FARP2: variants seen among roughly 807,000 people sequenced by gnomAD.
The protein encoded by FARP2 is FERM, ARH/RhoGEF and pleckstrin domain protein 2.
Under a neutral mutation model 130.5 loss-of-function variants are expected in FARP2, and 111 were observed. That is an observed-to-expected ratio of 0.85 (90% CI 0.73 to 1.00). The LOEUF (loss-of-function observed/expected upper bound fraction) is 1.00, where lower values mean the gene tolerates loss of function less well. FARP2 is among the 50% of genes least tolerant of loss of function. The pLI, the probability that FARP2 is intolerant of heterozygous loss-of-function variation, is 0.00. For missense variants in FARP2, 1,385 were observed against 1,346.3 expected (o/e 1.03, Z -0.45); for synonymous variants, 504 against 516.9 (o/e 0.98, Z 0.34).
intron 20 of FARP2, 88 bp from the exon 21 acceptor site, chr2:241,484,154 A>C: frequency 6.3e-7 from 1 of 1,584,894 alleles, no homozygotes; most frequent in South Asian, 1.1e-5. Context: ...TCTGATGTCC[A>C]CATGATGAGC....
intron 2 of FARP2, among the ~76,000 whole-genome samples, chr2:241,400,184 C>T (rs956854198): frequency 1.2e-4 from 19 of 152,244 alleles, no homozygotes; most frequent in African/African-American, 4.6e-4. Context: ...GGACGGGGAA[C>T]CCTGACCTCC....
chr2:241,403,376 G>A (rs1014564546), intron 2 of FARP2, among the ~76,000 whole-genome samples: 20 of 151,956 alleles, frequency 1.3e-4, no homozygotes, highest in African/African-American at 4.4e-4. Flanking sequence ...CGCTGTGCTC[G>A]GCTAATTTTT....
chr2:241,414,699 A>G (rs2062619322), intron 7 of FARP2, among the ~76,000 whole-genome samples: 1 of 152,216 alleles, frequency 6.6e-6, no homozygotes, highest in African/African-American at 2.4e-5. Flanking sequence ...GCCCGACAGC[A>G]TGGCAGTCAT....
At position 241,413,370 on chromosome 2, in the gene FARP2, C is replaced by G. The variant is rs148530431; in HGVS notation, c.572C>G (p.Pro191Arg). The G allele has an allele frequency of 3.7e-5, 59 of 1,612,718 alleles. No homozygotes were observed. In the Admixed American group the frequency reaches 9.7e-4, roughly 26 times the overall value. ...CACCTCAAAGTGAACGAGTATTTGC[C>G]TGGCCAGCAGCACTGCCTTGAGAAG... Reference protein sequence around the residue: ...REHLKVNEYLPGQQHCLEKIL... With the variant: ...REHLKVNEYLRGQQHCLEKIL... The change falls in exon 7 of 27, where the codon CCT becomes CGT. Residue 191 changes from proline (P) to arginine (R), a missense_variant. By Grantham distance (103) the Pro-to-Arg change is moderately radical. Transcript: ENST00000264042.
chr2:241,356,916 T>G (rs1472164116), intron 1 of FARP2, among the ~76,000 whole-genome samples: 1 of 152,240 alleles, frequency 6.6e-6, no homozygotes, highest in Admixed American at 6.5e-5. Context: ...GAATCAAGTG[T>G]TAGGTGTTAA....
chr2:241,382,278 T>G (rs1240977230), intron 2 of FARP2, among the ~76,000 whole-genome samples: 1 of 151,270 alleles, frequency 6.6e-6, no homozygotes, highest in Non-Finnish European at 1.5e-5. Context: ...TTTCAGTTTC[T>G]CTGTACAAAA....
At chr2:241,414,102 G>T (rs1264194349) in intron 7 of FARP2, among the ~76,000 whole-genome samples, 1 of 152,160 alleles carries the variant, frequency 6.6e-6, no homozygotes, top group East Asian at 1.9e-4. Flanking sequence ...TGTGGTAGAG[G>T]AGGAGGGGAC....
intron 2 of FARP2, among the ~76,000 whole-genome samples, chr2:241,396,507 T>G (rs555514657): frequency 1.2e-3 from 182 of 152,012 alleles, no homozygotes; most frequent in Admixed American, 3.5e-3. Context: ...AACAACCCCA[T>G]CAAAAAGTGG....
intron 18 of FARP2, among the ~76,000 whole-genome samples, chr2:241,474,029 G>A (rs571215473): frequency 5.3e-5 from 8 of 152,168 alleles, no homozygotes; most frequent in South Asian, 4.2e-4. Context: ...GCTGCAGGCC[G>A]GGCGCGGTGG....
chr2:241,382,410 A>G (rs140192598), intron 2 of FARP2, among the ~76,000 whole-genome samples: 3,242 of 151,478 alleles, frequency 0.021, 109 homozygotes, highest in African/African-American at 0.068. Context: ...CAGCCTCCCA[A>G]GTAGCTGGGA....
intron 1 of FARP2, among the ~76,000 whole-genome samples, chr2:241,366,471 A>C (rs1177149219): frequency 6.6e-6 from 1 of 152,058 alleles, no homozygotes; most frequent in Non-Finnish European, 1.5e-5. Context: ...AATTAAAAAA[A>C]ATAACCTGGG....
chr2:241,422,817 G>T (rs983968390), intron 8 of FARP2, among the ~76,000 whole-genome samples: 2 of 152,106 alleles, frequency 1.3e-5, no homozygotes, highest in African/African-American at 4.8e-5. Flanking sequence ...ACCTCACATT[G>T]CAATCACAAG....
chr2:241,448,390 G>A (rs3771574), intron 13 of FARP2, among the ~76,000 whole-genome samples: 3 of 152,240 alleles, frequency 2.0e-5, no homozygotes, highest in East Asian at 3.8e-4. Context: ...TGGCCTTTAT[G>A]TTCTTCAAAT....
intron 19 of FARP2, 48 bp downstream of exon 19, chr2:241,476,035 C>T (rs2124857008): frequency 6.4e-7 from 1 of 1,561,208 alleles, no homozygotes; most frequent in Non-Finnish European, 8.7e-7. Flanking sequence ...TTTGGTTTTT[C>T]AATTGAGATA....
intron 17 of FARP2, chr2:241,465,400 G>T: frequency 2.2e-6 from 3 of 1,348,824 alleles, no homozygotes; most frequent in Non-Finnish European, 3.1e-6. Context: ...GCTGTGGGGA[G>T]GGCAGGGCCC....
chr2:241,466,007 A>T, intron 17 of FARP2: 1 of 1,360,868 alleles, frequency 7.3e-7, no homozygotes, highest in Non-Finnish European at 9.5e-7. Flanking sequence ...AAATTGAAAT[A>T]TACACAAATC....
intron 7 of FARP2, among the ~76,000 whole-genome samples, chr2:241,416,806 G>C (rs2062684755): frequency 6.6e-6 from 1 of 152,188 alleles, no homozygotes; most frequent in African/African-American, 2.4e-5. Flanking sequence ...CTACTCAGGA[G>C]ACTGAGGCGA....
At chr2:241,401,450 T>G (rs758865584) in intron 2 of FARP2, among the ~76,000 whole-genome samples, 2 of 152,246 alleles carry the variant, frequency 1.3e-5, no homozygotes, top group African/African-American at 4.8e-5. Flanking sequence ...TATAAATGTA[T>G]CCATGGGGCA....
At chr2:241,393,621 A>G (rs889404093) in intron 2 of FARP2, among the ~76,000 whole-genome samples, 1 of 152,232 alleles carries the variant, frequency 6.6e-6, no homozygotes, top group Non-Finnish European at 1.5e-5. Context: ...CTAGATAGAT[A>G]GAGGAGTTAT....
Sources: gnomAD v4.1 joint callset for allele counts (sites outside exome capture counted in the v4.1 genomes callset) on GRCh38, gnomAD v4.1.1 for gene constraint, MANE v1.5 for transcripts, NCBI Gene and HGNC (gene_info 2026-07-23, HGNC 2026-07-21) for gene names.